Variants in RALA observed in about 807,000 individuals in gnomAD.
RALA encodes RAS like proto-oncogene A, also known as ras-related protein Ral-A.
RALA carries 5 observed loss-of-function variants against 24.0 expected under a neutral mutation model. The ratio of observed to expected loss-of-function variants is 0.21; its 90% CI spans 0.11 to 0.44. The LOEUF (loss-of-function observed/expected upper bound fraction) is 0.44. RALA is among the 20% of genes least tolerant of loss of function. The probability of loss-of-function intolerance (pLI) is 0.99; values close to 1 mark genes in which losing one functional copy is unlikely to be tolerated. For missense variants in RALA, 95 were observed against 241.2 expected (o/e 0.39, Z 4.01); for synonymous variants, 77 against 83.8 (o/e 0.92, Z 0.44).
chr7:39,683,855 A>ACG (rs1025653760), intron 1 of RALA, among the ~76,000 whole-genome samples: 1 of 152,046 alleles, frequency 6.6e-6, no homozygotes, highest in African/African-American at 2.4e-5. Context: ...ACACACACAC[A>ACG]CACACACACA....
At chr7:39,664,093 C>G (rs1792245282) in intron 1 of RALA, among the ~76,000 whole-genome samples, 1 of 152,112 alleles carries the variant, frequency 6.6e-6, no homozygotes, top group South Asian at 2.1e-4. Flanking sequence ...ACAAAATTGC[C>G]CTTCTGGAAA....
At position 39,679,530 on chromosome 7, in the gene RALA, C is replaced by G. The variant is rs191669786; in HGVS notation, c.-37-7101C>G. On this transcript the variant is annotated intron_variant, in intron 1 of 4. Transcript: ENST00000005257. ...TTGTATATCCTTTTCTGTGACTATT[C>G]ATATTTTTTGCCCAATTTCCTGCAG... Among the ~76,000 whole-genome samples, 158 of 152,186 alleles carry G rather than the reference C, an allele frequency of 1.0e-3. No homozygotes were observed. The East Asian group carries it at 0.021, about 20-fold the overall frequency.
chr7:39,653,231 T>C (rs530819716), intron 1 of RALA, among the ~76,000 whole-genome samples: 4 of 152,132 alleles, frequency 2.6e-5, no homozygotes, highest in Non-Finnish European at 5.9e-5. Context: ...GGTTTCACCA[T>C]GTTGGTCAGG....
chr7:39,628,391 A>G (rs1002951695), intron 1 of RALA, among the ~76,000 whole-genome samples: 5 of 151,394 alleles, frequency 3.3e-5, no homozygotes, highest in Non-Finnish European at 7.4e-5. Context: ...ACACACACAC[A>G]CACACACACA....
chr7:39,665,648 G>T (rs1380927115), intron 1 of RALA, among the ~76,000 whole-genome samples: 2 of 145,560 alleles, frequency 1.4e-5, no homozygotes, highest in Non-Finnish European at 3.0e-5. Context: ...CTGCAATGTA[G>T]TTTTTTTTTT....
intron 1 of RALA, among the ~76,000 whole-genome samples, chr7:39,679,380 G>A (rs1411328169): frequency 1.3e-5 from 2 of 152,142 alleles, no homozygotes; most frequent in African/African-American, 4.8e-5. Flanking sequence ...ACGAAAACAA[G>A]TCAAGGGGGC....
In RALA at chr7:39,707,662, C is replaced by CT. The variant is rs1793143313; in HGVS notation, c.*1423dup. On this transcript the variant is annotated 3_prime_UTR_variant, in exon 5 of 5. Transcript: ENST00000005257. Reference sequence around the variant, plus strand: ...AGTTGATTCAACAAAGTATTTTTTTCTTTTTTCTCAGTCCTAATTTGAACA... The same window carrying CT: ...AGTTGATTCAACAAAGTATTTTTTTCTTTTTTTCTCAGTCCTAATTTGAACA... 1 of 150,130 alleles carries CT rather than the reference C, an allele frequency of 6.7e-6. No individual in the cohort carries two copies. Among genetic ancestry groups the CT allele is most frequent in the Admixed American group, 6.6e-5 (1 of 15,070 alleles). 9.3% of individuals were successfully genotyped at this position (150,130 alleles called of 1,614,324 possible). A position where few individuals can be genotyped will look rare whatever the true frequency, so the allele number is the denominator to read the frequency against.
intron 1 of RALA, among the ~76,000 whole-genome samples, chr7:39,634,489 C>G (rs577388844): frequency 3.3e-5 from 5 of 152,254 alleles, no homozygotes; most frequent in African/African-American, 7.2e-5. Context: ...TCTGCCTGCC[C>G]CCACCATTTT....
intron 1 of RALA, among the ~76,000 whole-genome samples, chr7:39,658,683 C>CT (rs1227721392): frequency 6.6e-6 from 1 of 152,018 alleles, no homozygotes; most frequent in Admixed American, 6.6e-5. Context: ...AAACCTGATT[C>CT]TGAGTCATAC....
chr7:39,656,123 A>T (rs1792092031), intron 1 of RALA, among the ~76,000 whole-genome samples: 1 of 152,196 alleles, frequency 6.6e-6, no homozygotes, highest in African/African-American at 2.4e-5. Context: ...ACCCCTATTC[A>T]GATATCTTAA....
intron 1 of RALA, among the ~76,000 whole-genome samples, chr7:39,649,772 G>A (rs1791989979): frequency 6.6e-6 from 1 of 152,108 alleles, no homozygotes; most frequent in Non-Finnish European, 1.5e-5. Context: ...GAAAAAAGAG[G>A]CCCAAAAAGA....
chr7:39,695,881 A>G (rs1005242446), intron 3 of RALA, among the ~76,000 whole-genome samples: 1 of 152,036 alleles, frequency 6.6e-6, no homozygotes. Context: ...TTGTTTTTTG[A>G]TTTTACAAAA....
chr7:39,688,389 T>C (rs1583750994), intron 2 of RALA, among the ~76,000 whole-genome samples: 3 of 100,978 alleles, frequency 3.0e-5, no homozygotes. Flanking sequence ...GCAAGACCCC[T>C]GTCTCTTAAA....
chr7:39,672,581 AT>A (rs1260911635), intron 1 of RALA, among the ~76,000 whole-genome samples: 1 of 152,108 alleles, frequency 6.6e-6, no homozygotes, highest in Admixed American at 6.6e-5. Flanking sequence ...AGCTTTACTT[AT>A]AAAATTTTAA....
chr7:39,640,297 A>G (rs1791789980), intron 1 of RALA, among the ~76,000 whole-genome samples: 1 of 152,216 alleles, frequency 6.6e-6, no homozygotes, highest in African/African-American at 2.4e-5. Context: ...TTGGCCTCCC[A>G]AAGTGCTGGG....
At chr7:39,668,365 A>G (rs1197412250) in intron 1 of RALA, among the ~76,000 whole-genome samples, 1 of 152,224 alleles carries the variant, frequency 6.6e-6, no homozygotes, top group Non-Finnish European at 1.5e-5. Flanking sequence ...AAATGTAGAA[A>G]TAGGTGGTCA....
At chr7:39,631,579 T>G (rs1269894713) in intron 1 of RALA, among the ~76,000 whole-genome samples, 2 of 152,242 alleles carry the variant, frequency 1.3e-5, no homozygotes, top group Non-Finnish European at 2.9e-5. Flanking sequence ...AAACAATGTC[T>G]TTTTATTTTT....
chr7:39,686,093 C>A (rs1411791921), intron 1 of RALA, among the ~76,000 whole-genome samples: 3 of 151,804 alleles, frequency 2.0e-5, no homozygotes. Flanking sequence ...GTAGTCCCAG[C>A]TACTCAGGAG....
intron 4 of RALA, among the ~76,000 whole-genome samples, chr7:39,698,503 A>G (rs1007303178): frequency 2.0e-5 from 3 of 152,218 alleles, no homozygotes. Flanking sequence ...AAAATTATAG[A>G]TTTGAAGAGA....
Sources: gnomAD v4.1 joint callset for allele counts (sites outside exome capture counted in the v4.1 genomes callset) on GRCh38, gnomAD v4.1.1 for gene constraint, MANE v1.5 for transcripts, NCBI Gene and HGNC (gene_info 2026-07-23, HGNC 2026-07-21) for gene names.